METTL15: variants seen among roughly 807,000 people sequenced by gnomAD.
The protein encoded by METTL15 is 12S rRNA N(4)-cytidine methyltransferase METTL15.
In METTL15, 34 loss-of-function variants were observed where a neutral mutation model predicts 38.3. The observed-to-expected ratio is 0.89, with a 90% confidence interval of 0.68 to 1.18. The LOEUF is 1.18. Ranked by LOEUF, METTL15 falls within the 50% of genes most tolerant of loss-of-function variation. The probability of loss-of-function intolerance (pLI) is 0.00; values close to 1 mark genes in which losing one functional copy is unlikely to be tolerated. For missense variants in METTL15, 438 were observed against 498.4 expected (o/e 0.88, Z 1.15); for synonymous variants, 162 against 170.9 (o/e 0.95, Z 0.41).
intron 4 of METTL15, among the ~76,000 whole-genome samples, chr11:28,359,734 G>A (rs1214062018): frequency 6.6e-6 from 1 of 152,034 alleles, no homozygotes; most frequent in Non-Finnish European, 1.5e-5. Flanking sequence ...CTTATATGCT[G>A]TATTCTGTTT....
intron 4 of METTL15, chr11:28,261,234 A>G (rs779468945): frequency 1.5e-4 from 23 of 152,246 alleles, no homozygotes; most frequent in Non-Finnish European, 3.2e-4. Context: ...GAAATAAAGA[A>G]AAACACCAAC....
intron 5 of METTL15, among the ~76,000 whole-genome samples, chr11:28,387,428 A>G (rs1393548731): frequency 1.3e-5 from 2 of 151,980 alleles, no homozygotes. Context: ...TGTACATTAA[A>G]AACTGGATAA....
intron 6 of METTL15, among the ~76,000 whole-genome samples, chr11:28,447,052 G>C (rs1851081303): frequency 1.7e-5 from 2 of 118,404 alleles, no homozygotes; most frequent in African/African-American, 5.6e-5. Flanking sequence ...GCACAAAAGA[G>C]ATTATTTAAA....
intron 3 of METTL15, among the ~76,000 whole-genome samples, chr11:28,118,746 G>A (rs1402074341): frequency 6.6e-6 from 1 of 152,142 alleles, no homozygotes; most frequent in Non-Finnish European, 1.5e-5. Flanking sequence ...AGTACAAGTA[G>A]CTGTGCAGTT....
chr11:28,511,285 C>T (rs1851671941), intron 6 of METTL15, among the ~76,000 whole-genome samples: 2 of 152,102 alleles, frequency 1.3e-5, no homozygotes, highest in Non-Finnish European at 1.5e-5. Flanking sequence ...TTATTGATAA[C>T]ATAAACAGTT....
chr11:28,453,325 T>A (rs1851139161), intron 6 of METTL15, among the ~76,000 whole-genome samples: 1 of 152,236 alleles, frequency 6.6e-6, no homozygotes, highest in South Asian at 2.1e-4. Flanking sequence ...TACCAGGTTC[T>A]AAGAGCCAAA....
chr11:28,244,847 A>C (rs1450075067), intron 4 of METTL15, among the ~76,000 whole-genome samples: 2 of 152,238 alleles, frequency 1.3e-5, no homozygotes, highest in Non-Finnish European at 2.9e-5. Flanking sequence ...GGCCGAAGCT[A>C]TGGAAAAGAA....
chr11:28,278,759 T>A (rs1855936679), intron 4 of METTL15, among the ~76,000 whole-genome samples: 1 of 152,118 alleles, frequency 6.6e-6, no homozygotes, highest in Non-Finnish European at 1.5e-5. Flanking sequence ...GTAGTTGAAT[T>A]TGGTTTGTAC....
At chr11:28,254,820 C>T (rs1438770668) in intron 4 of METTL15, among the ~76,000 whole-genome samples, 1 of 151,962 alleles carries the variant, frequency 6.6e-6, no homozygotes, top group Non-Finnish European at 1.5e-5. Context: ...TCTCTATTCT[C>T]TTCCATTGGC....
Position 28,284,571 on chromosome 11 carries a change from T to G in METTL15, c.408-5635T>G, listed in dbSNP as rs561861964. Among the ~76,000 whole-genome samples, 9 of 152,132 alleles carry G rather than the reference T, an allele frequency of 5.9e-5. No individual in the cohort carries two copies. The East Asian group carries it at 1.7e-3, about 29-fold the overall frequency. On this transcript the variant is annotated intron_variant, in intron 4 of 6. Transcript: ENST00000407364. ...AAAATTGTACTTACATTTAAAAAAATAGCAAAACTGCCCAAGTACAGTATG... is the reference window on the plus strand; with the variant it reads ...AAAATTGTACTTACATTTAAAAAAAGAGCAAAACTGCCCAAGTACAGTATG...
At chr11:28,158,844 C>T (rs561640317) in intron 3 of METTL15, among the ~76,000 whole-genome samples, 23 of 152,260 alleles carry the variant, frequency 1.5e-4, no homozygotes, top group South Asian at 2.1e-4. Context: ...TTTGAAGTCA[C>T]AATTACAATG....
At chr11:28,465,702 C>T (rs553603712) in intron 6 of METTL15, among the ~76,000 whole-genome samples, 1 of 152,300 alleles carries the variant, frequency 6.6e-6, no homozygotes, top group East Asian at 1.9e-4. Context: ...TGATTCACTA[C>T]TCATCTGTTT....
At chr11:28,291,042 ATTCTT>A (rs1177326880) in intron 5 of METTL15, among the ~76,000 whole-genome samples, 1 of 145,104 alleles carries the variant, frequency 6.9e-6, no homozygotes, top group Non-Finnish European at 1.5e-5. Flanking sequence ...TGTAGAAATA[ATTCTT>A]TTCTTTTTTT....
chr11:28,184,934 C>G (rs1349213217), intron 3 of METTL15, among the ~76,000 whole-genome samples: 1 of 151,418 alleles, frequency 6.6e-6, no homozygotes, highest in Non-Finnish European at 1.5e-5. Context: ...GTCTGATAGA[C>G]AGTTCCTGAG....
intron 3 of METTL15, among the ~76,000 whole-genome samples, chr11:28,123,188 C>T (rs1036416785): frequency 2.6e-5 from 4 of 152,096 alleles, no homozygotes; most frequent in Admixed American, 6.6e-5. Context: ...CACATACACA[C>T]GAGTCATCCT....
intron 5 of METTL15, among the ~76,000 whole-genome samples, chr11:28,423,434 A>C (rs891987539): frequency 5.9e-5 from 9 of 152,162 alleles, no homozygotes; most frequent in Admixed American, 6.6e-5. Context: ...CACAATAGCC[A>C]AGATTTGGAA....
chr11:28,270,935 G>A (rs1008618396), intron 4 of METTL15, among the ~76,000 whole-genome samples: 6 of 151,974 alleles, frequency 3.9e-5, no homozygotes, highest in Non-Finnish European at 8.8e-5. Context: ...GTAGAATAGG[G>A]GAATATAATA....
At chr11:28,134,164 A>G (rs1168444905) in intron 3 of METTL15, among the ~76,000 whole-genome samples, 1 of 152,144 alleles carries the variant, frequency 6.6e-6, no homozygotes, top group Non-Finnish European at 1.5e-5. Flanking sequence ...TTCTTGTCTC[A>G]TGACCAGGAA....
intron 6 of METTL15, among the ~76,000 whole-genome samples, chr11:28,322,540 G>T (rs1849506265): frequency 1.3e-5 from 2 of 152,070 alleles, no homozygotes. Flanking sequence ...TGAGGAGATG[G>T]ACTCTCATAT....
Sources: allele counts gnomAD v4.1 joint callset (sites outside exome capture counted in the v4.1 genomes callset), GRCh38; gene constraint gnomAD v4.1.1; transcripts MANE v1.5; gene names NCBI Gene and HGNC (gene_info 2026-07-23, HGNC 2026-07-21).